UBN2: variants seen among roughly 807,000 people sequenced by gnomAD.
The protein encoded by UBN2 is ubinuclein 2.
UBN2 carries 35 observed loss-of-function variants against 120.2 expected under a neutral mutation model. The ratio of observed to expected loss-of-function variants is 0.29; its 90% confidence interval spans 0.22 to 0.39. The LOEUF is 0.39. Among genes scored for constraint, UBN2 ranks in the 10% least tolerant of loss-of-function variants. The probability of loss-of-function intolerance (pLI) is 1.00; values close to 1 mark genes in which losing one functional copy is unlikely to be tolerated. For synonymous variants in UBN2, 661 were observed against 648.7 expected, an observed-to-expected ratio of 1.02 and a Z score of -0.29; for missense variants, 1,693 against 1,663.2, an observed-to-expected ratio of 1.02 and a Z score of -0.31.
At chr7:139,253,596 A>T (rs1237788384) in intron 3 of UBN2, among the ~76,000 whole-genome samples, 3 of 152,170 alleles carry the variant, frequency 2.0e-5, no homozygotes, top group African/African-American at 7.2e-5. Flanking sequence ...GTCTGTTTTG[A>T]TTGAGCCCTA....
intron 17 of UBN2, among the ~76,000 whole-genome samples, 191 bp downstream of exon 17, chr7:139,294,172 CAT>C (rs1798043831): frequency 6.6e-6 from 1 of 152,134 alleles, no homozygotes; most frequent in African/African-American, 2.4e-5. Flanking sequence ...AGATCTGTAA[CAT>C]ATAAAAAGAG....
At position 139,231,458 on chromosome 7, in the gene UBN2, CA is replaced by C; in HGVS notation, c.-23del. ...CCGTAGAAGCGAGCGCCGGCTCGAG[CA>C]AAAGCGGAGGGCCAGAACAGTGGGG... On this transcript the variant is annotated 5_prime_UTR_variant, in exon 1 of 18. Coordinates refer to ENST00000473989, the MANE Select transcript of UBN2 (RefSeq NM_173569.4). The C allele has an allele frequency of 7.7e-7, 1 of 1,302,294 alleles. No homozygotes were observed. Among genetic ancestry groups the C allele is most frequent in the Admixed American group, 3.9e-5 (1 of 25,600 alleles). 80.7% of individuals were successfully genotyped at this position (1,302,294 alleles called of 1,614,324 possible).
chr7:139,231,843 C>T lies in UBN2; in HGVS notation c.359C>T (p.Pro120Leu), dbSNP rs1301818734. 3 of 1,539,536 alleles carry T rather than the reference C, an allele frequency of 1.9e-6. No individual in the cohort carries two copies. The highest frequency in any genetic ancestry group is 2.6e-6 in the Non-Finnish European group (3 of 1,150,376). ...TCGGCTTCCCGGGCTGAGCAGCCGC[C>T]GCGGCCGCCGAGGGAGACGGTGCGC... ...RESASRAEQP[P>L]RPPRETVRLE... Residue 120 changes from proline (P) to leucine (L), a missense_variant, in exon 1 of 18, where the codon CCG (proline) becomes CTG (leucine). By Grantham distance (98) the Pro-to-Leu change is moderately conservative (BLOSUM62 -3). Transcript: ENST00000473989.
chr7:139,316,104 A>G, the UBN2 span, among the ~76,000 whole-genome samples: 3 of 137,042 alleles, frequency 2.2e-5, no homozygotes, highest in East Asian at 5.9e-4. Context: ...AAAAAAAAAA[A>G]AAAGGGGTTC....
chr7:139,275,382 G>A (rs10215303), intron 11 of UBN2, among the ~76,000 whole-genome samples: 3 of 150,056 alleles, frequency 2.0e-5, no homozygotes, highest in Non-Finnish European at 4.4e-5. Flanking sequence ...AGGAGATTGA[G>A]ACCATCCTGG....
chr7:139,243,998 T>C (rs1796391900), intron 2 of UBN2, among the ~76,000 whole-genome samples: 1 of 152,106 alleles, frequency 6.6e-6, no homozygotes, highest in African/African-American at 2.4e-5. Context: ...AAAATAACAT[T>C]TATTGAGTGG....
intron 13 of UBN2, among the ~76,000 whole-genome samples, chr7:139,280,016 C>T (rs1797557953): frequency 6.6e-6 from 1 of 152,188 alleles, no homozygotes; most frequent in African/African-American, 2.4e-5. Context: ...ACTACCTCTA[C>T]AATCTGAGAA....
At chr7:139,322,732 C>G in the UBN2 span, among the ~76,000 whole-genome samples, 2 of 150,950 alleles carry the variant, frequency 1.3e-5, no homozygotes, top group Non-Finnish European at 2.9e-5. Context: ...CGGGGTGTCA[C>G]CATGTTGACC....
Position 139,276,000 on chromosome 7 carries a change from A to G in UBN2, c.1974-97A>G, listed in dbSNP as rs1797431726. The G allele has an allele frequency of 5.6e-6, 5 of 900,396 alleles. No individual in the cohort carries two copies. In the South Asian group the frequency reaches 7.5e-5, roughly 14 times the overall value. 55.8% of individuals were successfully genotyped at this position (900,396 alleles called of 1,614,324 possible). On this transcript the variant is annotated intron_variant, in intron 11 of 17. Coordinates refer to ENST00000473989, the MANE Select transcript of UBN2 (RefSeq NM_173569.4). ...ACTTTTACTTGGTAAATAAGCAGTA[A>G]TAGTCTACTGAAAATTAAATTACTT...
intron 15 of UBN2, among the ~76,000 whole-genome samples, chr7:139,286,866 A>G (rs911802800): frequency 6.6e-6 from 1 of 152,172 alleles, no homozygotes; most frequent in Non-Finnish European, 1.5e-5. Context: ...TATTCAATAT[A>G]CATTGTATAT....
downstream of UBN2, among the ~76,000 whole-genome samples, chr7:139,311,047 AGTCT>A (rs1158903221): frequency 6.6e-6 from 1 of 152,236 alleles, no homozygotes; most frequent in African/African-American, 2.4e-5. Flanking sequence ...ACTAGATTTG[AGTCT>A]GTCTGAAATG....
At chr7:139,294,114 T>C (rs1798042099) in intron 17 of UBN2, 133 bp downstream of exon 17, 3 of 784,926 alleles carry the variant, frequency 3.8e-6, no homozygotes, top group Admixed American at 2.3e-5. Flanking sequence ...GAATCCTCAT[T>C]CCTCATTAGC....
intron 5 of UBN2, among the ~76,000 whole-genome samples, chr7:139,259,586 C>G (rs578222243): frequency 6.6e-6 from 1 of 152,278 alleles, no homozygotes; most frequent in Non-Finnish European, 1.5e-5. Flanking sequence ...AGGTGAAATG[C>G]TCATTACTAC....
chr7:139,311,190 C>A, downstream of UBN2, among the ~76,000 whole-genome samples: 1 of 152,210 alleles, frequency 6.6e-6, no homozygotes, highest in Non-Finnish European at 1.5e-5. Context: ...TTGGGTTAAT[C>A]ATGAGATCGT....
the UBN2 span, among the ~76,000 whole-genome samples, chr7:139,320,204 G>A: frequency 1.3e-5 from 2 of 152,250 alleles, no homozygotes; most frequent in African/African-American, 4.8e-5. Context: ...GCTCATGCCT[G>A]TAATCCCAGC....
chr7:139,274,783 G>C (rs1208124912), intron 11 of UBN2, among the ~76,000 whole-genome samples: 1 of 149,112 alleles, frequency 6.7e-6, no homozygotes, highest in Non-Finnish European at 1.5e-5. Context: ...AAAAGAAAAA[G>C]AAAAAAGAAA....
chr7:139,283,018 C>T lies in UBN2; in HGVS notation c.2119-6C>T. The T allele has an allele frequency of 6.4e-7, 1 of 1,565,192 alleles. No individual in the cohort carries two copies. Among genetic ancestry groups the T allele is most frequent in the Non-Finnish European group, 8.6e-7 (1 of 1,159,442 alleles). On this transcript the variant is annotated splice_polypyrimidine_tract_variant and splice_region_variant and intron_variant, in intron 14 of 17. Coordinates refer to ENST00000473989, the MANE Select transcript of UBN2 (RefSeq NM_173569.4). ...CTATTTTTTTCCATATGATGCTTTA[C>T]ATTAGGAGTGTAGTCCAAAAAAGGA... is the stretch of plus-strand genomic sequence containing the variant.
intron 8 of UBN2, among the ~76,000 whole-genome samples, chr7:139,271,389 C>G (rs1797270047): frequency 6.6e-6 from 1 of 152,020 alleles, no homozygotes; most frequent in Non-Finnish European, 1.5e-5. Context: ...GAGTTCGAGA[C>G]CAGCCTGGCC....
chr7:139,242,223 G>C (rs957478911), intron 2 of UBN2, among the ~76,000 whole-genome samples: 1 of 152,164 alleles, frequency 6.6e-6, no homozygotes, highest in Non-Finnish European at 1.5e-5. Flanking sequence ...ATACCAAGTA[G>C]TTAGTTTTGA....
Sources: gnomAD v4.1 joint callset for allele counts (sites outside exome capture counted in the v4.1 genomes callset) on GRCh38, gnomAD v4.1.1 for gene constraint, MANE v1.5 for transcripts, NCBI Gene and HGNC (gene_info 2026-07-23, HGNC 2026-07-21) for gene names.